The following SLC4A5 variants were observed in gnomAD, a reference collection of about 807,000 sequenced individuals.
The protein encoded by SLC4A5 is solute carrier family 4 member 5.
A neutral mutation model predicts 120.4 loss-of-function variants in SLC4A5; 96 were observed. The ratio of observed to expected loss-of-function variants is 0.80; its 90% CI spans 0.68 to 0.94. The LOEUF (loss-of-function observed/expected upper bound fraction) is 0.94. Ranked by LOEUF, SLC4A5 falls within the 40% of genes least tolerant of loss-of-function variation. The probability of loss-of-function intolerance (pLI) is 0.00; values close to 1 mark genes in which losing one functional copy is unlikely to be tolerated. For missense variants in SLC4A5, 1,259 were observed against 1,459.5 expected (o/e 0.86, Z 2.24); for synonymous variants, 550 against 571.1 (o/e 0.96, Z 0.53).
At chr2:74,262,363 C>A in intron 10 of SLC4A5, 131 bp from the exon 11 acceptor site, 70 of 336,552 alleles carry the variant, frequency 2.1e-4, no homozygotes, top group Non-Finnish European at 3.3e-4. Context: ...GGAAGAAATT[C>A]TTTTTTTTTT....
chr2:74,329,298 A>G (rs1673293821), intron 4 of SLC4A5, among the ~76,000 whole-genome samples: 1 of 151,800 alleles, frequency 6.6e-6, no homozygotes, highest in Non-Finnish European at 1.5e-5. Context: ...GTAGATAAAG[A>G]TAGTAAATTG....
At chr2:74,310,805 T>C (rs1672782476) in intron 6 of SLC4A5, among the ~76,000 whole-genome samples, 1 of 152,190 alleles carries the variant, frequency 6.6e-6, no homozygotes, top group African/African-American at 2.4e-5. Flanking sequence ...GGGATAATGC[T>C]GACTTCATGG....
chr2:74,341,236 T>C (rs1573120402), intron 2 of SLC4A5, among the ~76,000 whole-genome samples: 1 of 137,542 alleles, frequency 7.3e-6, no homozygotes, highest in Non-Finnish European at 1.5e-5. Flanking sequence ...ACTCAGGAGG[T>C]GGAGGTTGCA....
chr2:74,228,805 C>T (rs904800561), intron 25 of SLC4A5, among the ~76,000 whole-genome samples: 1 of 152,324 alleles, frequency 6.6e-6, no homozygotes, highest in East Asian at 1.9e-4. Flanking sequence ...TCCCTCCAAA[C>T]TTGCACACAG....
At chr2:74,217,628 C>T (rs972930929) in exon 31 of SLC4A5, 1 of 152,146 alleles carries the variant, frequency 6.6e-6, no homozygotes, top group Non-Finnish European at 1.5e-5. Context: ...TTTAAAGGAT[C>T]ATTTTGATTT....
At chr2:74,273,772 T>C (rs1474028389) in intron 8 of SLC4A5, among the ~76,000 whole-genome samples, 2 of 152,236 alleles carry the variant, frequency 1.3e-5, no homozygotes, top group East Asian at 1.9e-4. Context: ...CGTTAAGAAT[T>C]TTCCTAGAGA....
At chr2:74,232,741 G>A (rs549627070) in intron 23 of SLC4A5, 94 bp from the exon 24 acceptor site, 2 of 1,477,114 alleles carry the variant, frequency 1.4e-6, no homozygotes, top group East Asian at 2.4e-5. Flanking sequence ...AGGACCCCCT[G>A]CCTTCCAGAA....
chr2:74,216,250 C>A (rs1463462050), exon 31 of SLC4A5: 1 of 152,148 alleles, frequency 6.6e-6, no homozygotes, highest in Admixed American at 6.5e-5. Context: ...GATGACCAGA[C>A]AGGATTAAAT....
intron 5 of SLC4A5, among the ~76,000 whole-genome samples, chr2:74,319,884 C>T (rs898048479): frequency 3.3e-5 from 5 of 152,134 alleles, no homozygotes; most frequent in Admixed American, 1.3e-4. Flanking sequence ...GGCTACTCTC[C>T]AGAGACAGCT....
intron 8 of SLC4A5, among the ~76,000 whole-genome samples, chr2:74,275,113 T>C (rs532459615): frequency 6.6e-6 from 1 of 152,250 alleles, no homozygotes; most frequent in African/African-American, 2.4e-5. Context: ...GCAGTACAGT[T>C]TGGGCATTAC....
In SLC4A5 at chr2:74,336,784, C is replaced by T. The variant is rs530417770; in HGVS notation, c.-221+2071G>A. 5.9e-5 allele frequency among the ~76,000 whole-genome samples: 9 copies of T among 152,210 alleles called. No individual in the cohort carries two copies. In the East Asian group the frequency reaches 1.5e-3, roughly 26 times the overall value. ...ATCTTGTATAAGATATTTTTATATG[C>T]CTTGCAAGATTATGTTCTGAAATAT... On this transcript the variant is annotated intron_variant, in intron 3 of 30. Transcript: ENST00000394019.
chr2:74,301,373 C>A (rs1672471862), intron 7 of SLC4A5, among the ~76,000 whole-genome samples: 2 of 152,190 alleles, frequency 1.3e-5, no homozygotes, highest in Admixed American at 6.5e-5. Flanking sequence ...GCATAGTGTG[C>A]CTGACCCTCA....
At chr2:74,221,354 G>C in intron 30 of SLC4A5, 80 bp downstream of exon 30, 1 of 1,108,184 alleles carries the variant, frequency 9.0e-7, no homozygotes, top group South Asian at 1.4e-5. Context: ...GCTAGCTTGG[G>C]AAATCCTAGA....
chr2:74,232,367 G>C (rs1670117846), intron 24 of SLC4A5, 102 bp downstream of exon 24: 1 of 1,364,202 alleles, frequency 7.3e-7, no homozygotes, highest in Non-Finnish European at 1.0e-6. Context: ...TCAGAGCGGG[G>C]GCCCTTTTTG....
chr2:74,312,632 C>CAATTG (rs1672842343), intron 6 of SLC4A5, among the ~76,000 whole-genome samples: 3 of 152,240 alleles, frequency 2.0e-5, no homozygotes, highest in South Asian at 4.1e-4. Context: ...TTAGACCATT[C>CAATTG]ATATTTGAAG....
intron 8 of SLC4A5, among the ~76,000 whole-genome samples, chr2:74,277,214 G>C (rs1423785980): frequency 6.6e-6 from 1 of 152,216 alleles, no homozygotes; most frequent in Admixed American, 6.5e-5. Flanking sequence ...GTGGGAGCCA[G>C]AGATGGAGAT....
intron 7 of SLC4A5, chr2:74,290,238 C>T (rs762533223): frequency 1.6e-4 from 159 of 985,370 alleles, no homozygotes; most frequent in Non-Finnish European, 1.8e-4. Context: ...CTGCCTGGGG[C>T]ATTACCTGCT....
intron 11 of SLC4A5, among the ~76,000 whole-genome samples, chr2:74,260,586 A>G (rs1266897291): frequency 1.3e-5 from 2 of 151,884 alleles, no homozygotes; most frequent in African/African-American, 2.4e-5. Flanking sequence ...ATTCCACTCA[A>G]TGCCCCTCCC....
At chr2:74,322,218 T>C (rs528807247) in intron 5 of SLC4A5, among the ~76,000 whole-genome samples, 1 of 152,168 alleles carries the variant, frequency 6.6e-6, no homozygotes, top group Non-Finnish European at 1.5e-5. Flanking sequence ...ATATTTAAAC[T>C]GCTAGCCAAG....
Sources: allele counts gnomAD v4.1 joint callset (sites outside exome capture counted in the v4.1 genomes callset), GRCh38; gene constraint gnomAD v4.1.1; transcripts MANE v1.5; gene names NCBI Gene and HGNC (gene_info 2026-07-23, HGNC 2026-07-21).